Variants in TMEM87A observed in about 807,000 individuals in gnomAD.
TMEM87A encodes Golgi-pH regulating cation channel.
In TMEM87A, 50 loss-of-function variants were observed where a neutral mutation model predicts 90.0. The observed-to-expected ratio is 0.56, with a 90% CI of 0.44 to 0.70. The LOEUF (loss-of-function observed/expected upper bound fraction) is 0.70, where lower values mean the gene tolerates loss of function less well. Among genes scored for constraint, TMEM87A ranks in the 30% least tolerant of loss-of-function variants. The pLI is 0.00. For synonymous variants in TMEM87A, 226 were observed against 226.7 expected (o/e 1.00, Z 0.03); for missense variants, 577 against 660.5 (o/e 0.87, Z 1.39).
chr15:42,224,944 G>C (rs2050562411), intron 15 of TMEM87A, among the ~76,000 whole-genome samples: 1 of 152,126 alleles, frequency 6.6e-6, no homozygotes, highest in South Asian at 2.1e-4. Context: ...TAATGACTGA[G>C]GAAGGGAAAA....
chr15:42,271,548 A>C (rs1040280553), intron 2 of TMEM87A: 2 of 152,196 alleles, frequency 1.3e-5, no homozygotes, highest in Non-Finnish European at 2.9e-5. Flanking sequence ...GATATACAAA[A>C]ACTTACCATT....
intron 15 of TMEM87A, among the ~76,000 whole-genome samples, chr15:42,223,419 T>A (rs1416417221): frequency 6.6e-6 from 1 of 152,132 alleles, no homozygotes; most frequent in East Asian, 1.9e-4. Flanking sequence ...TACGAATCAA[T>A]ACATAAGTGA....
At chr15:42,270,827 A>G (rs1224568641) in intron 2 of TMEM87A, among the ~76,000 whole-genome samples, 3 of 152,230 alleles carry the variant, frequency 2.0e-5, no homozygotes, top group African/African-American at 7.2e-5. Flanking sequence ...ATATTCATGG[A>G]TACAGTATAT....
In TMEM87A at chr15:42,260,939, A is replaced by C. The variant is rs1223879101; in HGVS notation, c.504+19T>G. ...ACTAAAATATGTGTTCAATGCCCCA[A>C]ATCCCCAAATATACTTACGGTTTTG... On this transcript the variant is annotated intron_variant, in intron 6 of 19. Coordinates refer to ENST00000389834, the MANE Select transcript of TMEM87A (RefSeq NM_015497.5). 2 of 1,606,316 alleles carry C rather than the reference A, an allele frequency of 1.2e-6. No individual in the cohort carries two copies. The highest frequency in any genetic ancestry group is 2.7e-5 in the African/African-American group (2 of 74,624).
intron 2 of TMEM87A, 121 bp downstream of exon 2, chr15:42,271,942 A>G (rs896850439): frequency 2.5e-6 from 2 of 802,650 alleles, no homozygotes; most frequent in African/African-American, 3.6e-5. Flanking sequence ...AATACTAAAA[A>G]TATTTATACC....
At chr15:42,227,107 G>A (rs564429765) in intron 14 of TMEM87A, 198 bp from the exon 15 acceptor site, 34 of 550,158 alleles carry the variant, frequency 6.2e-5, no homozygotes, top group African/African-American at 5.3e-4. Flanking sequence ...AGTGCTTACT[G>A]TTGTTAAAGA....
intron 7 of TMEM87A, among the ~76,000 whole-genome samples, chr15:42,242,018 G>A (rs1341986023): frequency 2.7e-4 from 38 of 139,746 alleles, no homozygotes; most frequent in Middle Eastern, 3.9e-3. Flanking sequence ...AATGAGTCAA[G>A]ATCACACCAC....
chr15:42,244,138 T>C lies in TMEM87A; in HGVS notation c.534A>G (p.Gln178=), dbSNP rs1474406405. 4 of 1,572,580 alleles carry C rather than the reference T, an allele frequency of 2.5e-6. No homozygotes were observed. Among genetic ancestry groups the C allele is most frequent in the Middle Eastern group, 1.7e-4 (1 of 6,014 alleles). The change falls in exon 7 of 20, where the codon CAA becomes CAG. Residue 178 remains glutamine (Q), a synonymous_variant. Transcript: ENST00000389834. ...TAMHEPLQTW[Q]DAPYIFIVHI... is the part of the protein sequence containing the mutation. The stretch of plus-strand genomic sequence containing the variant: ...GTACAATAAAAATGTATGGTGCATC[T>C]TGCCAAGTTTGCAATGGTTCATGCA...
intron 6 of TMEM87A, among the ~76,000 whole-genome samples, chr15:42,259,272 A>T (rs2051242664): frequency 6.6e-6 from 1 of 152,088 alleles, no homozygotes; most frequent in South Asian, 2.1e-4. Flanking sequence ...ACAGGCGTGC[A>T]CCACCACACC....
intron 9 of TMEM87A, among the ~76,000 whole-genome samples, chr15:42,236,948 T>A (rs1179459046): frequency 6.6e-6 from 1 of 152,196 alleles, no homozygotes; most frequent in Non-Finnish European, 1.5e-5. Context: ...AAAACTACAG[T>A]ATAAAACAAC....
At chr15:42,234,026 C>A (rs184772607) in intron 10 of TMEM87A, among the ~76,000 whole-genome samples, 1 of 151,840 alleles carries the variant, frequency 6.6e-6, no homozygotes, top group East Asian at 1.9e-4. Flanking sequence ...AAGCGATTCT[C>A]CTGCATTGGC....
chr15:42,236,062 T>A (rs1306295761), intron 10 of TMEM87A, among the ~76,000 whole-genome samples: 1 of 152,126 alleles, frequency 6.6e-6, no homozygotes, highest in Non-Finnish European at 1.5e-5. Flanking sequence ...ATGGAATACA[T>A]TTGGATTTGG....
intron 7 of TMEM87A, among the ~76,000 whole-genome samples, chr15:42,242,078 GA>G (rs900485332): frequency 5.0e-4 from 56 of 111,182 alleles, no homozygotes; most frequent in Middle Eastern, 4.6e-3. Context: ...AAAAAAAAAA[GA>G]AAAAAAAAAA....
chr15:42,273,289 G>A lies in TMEM87A; in HGVS notation c.110C>T (p.Ala37Val). ...FSAGPATVAA[A>V]DRSKWHIPIP... ...CGGAATGTGCCATTTGGACCGGTCG[G>A]CAGCAGCTACGGTTGCCGGTCCCGC... The change falls in exon 1 of 20, where the codon GCC becomes GTC. Residue 37 changes from alanine to valine, a missense_variant. By Grantham distance (64) the Ala-to-Val change is moderately conservative (BLOSUM62 0). Coordinates refer to ENST00000389834, the MANE Select transcript of TMEM87A (RefSeq NM_015497.5). 1 of 1,614,174 alleles carries A rather than the reference G, an allele frequency of 6.2e-7. No homozygotes were observed. The highest frequency in any genetic ancestry group is 8.5e-7 in the Non-Finnish European group (1 of 1,180,048).
At position 42,211,069 on chromosome 15, in the gene TMEM87A, C is replaced by T. The variant is rs2050275778; in HGVS notation, c.*639G>A. ...GAAATAGAAAAATCTTTAATATACA[C>T]CATTTGTAAACAAAATTGCACTTGA... On this transcript the variant is annotated 3_prime_UTR_variant, in exon 20 of 20. Coordinates refer to ENST00000389834, the MANE Select transcript of TMEM87A (RefSeq NM_015497.5). 1 of 152,268 alleles carries T rather than the reference C, an allele frequency of 6.6e-6. No individual in the cohort carries two copies. Among genetic ancestry groups the T allele is most frequent in the Admixed American group, 6.6e-5 (1 of 15,244 alleles). The allele number at this position is 152,268 out of a possible 1,614,324, so 9.4% of individuals were successfully genotyped here.
intron 10 of TMEM87A, among the ~76,000 whole-genome samples, chr15:42,234,329 T>C (rs2050737512): frequency 6.6e-6 from 1 of 152,198 alleles, no homozygotes; most frequent in Admixed American, 6.5e-5. Context: ...GGTGATTCCT[T>C]AGTGTAGTGT....
At chr15:42,264,335 T>C (rs2051356008) in intron 3 of TMEM87A, 132 bp from the exon 4 acceptor site, 2 of 611,308 alleles carry the variant, frequency 3.3e-6, no homozygotes, top group African/African-American at 1.9e-5. Context: ...ATGAACAGCA[T>C]CAGATAAAGG....
intron 8 of TMEM87A, among the ~76,000 whole-genome samples, chr15:42,238,853 T>C (rs990014031): frequency 6.7e-6 from 1 of 150,210 alleles, no homozygotes; most frequent in African/African-American, 2.5e-5. Flanking sequence ...ATGATTAGGA[T>C]ACATCTAGAG....
chr15:42,234,158 T>C (rs569587057), intron 10 of TMEM87A, among the ~76,000 whole-genome samples: 1 of 152,268 alleles, frequency 6.6e-6, no homozygotes, highest in Non-Finnish European at 1.5e-5. Flanking sequence ...CTTAATATAA[T>C]CAAATATCCT....
Sources: allele counts gnomAD v4.1 joint callset (sites outside exome capture counted in the v4.1 genomes callset), GRCh38; gene constraint gnomAD v4.1.1; transcripts MANE v1.5; gene names NCBI Gene and HGNC (gene_info 2026-07-23, HGNC 2026-07-21).